The following POLR3H variants were observed in gnomAD, a reference collection of about 807,000 sequenced individuals.
The protein encoded by POLR3H is RNA polymerase III subunit H, also known as DNA-directed RNA polymerase III subunit RPC8.
In POLR3H, 17 loss-of-function variants were observed where a neutral mutation model predicts 25.5. That is an observed-to-expected ratio of 0.67 (90% confidence interval 0.46 to 1.00). The LOEUF (loss-of-function observed/expected upper bound fraction) is 1.00. POLR3H is among the 50% of genes least tolerant of loss of function. The probability of loss-of-function intolerance (pLI) is 0.00; values close to 1 mark genes in which losing one functional copy is unlikely to be tolerated. For synonymous variants in POLR3H, 129 were observed against 103.0 expected (o/e 1.25, Z -1.53); for missense variants, 274 against 265.0 (o/e 1.03, Z -0.24).
rs2066619584 is a variant in POLR3H, at chr22:41,527,250, T to C, written c.*2033A>G. 6.2e-7 allele frequency: 1 copy of C among 1,613,886 alleles called. No homozygotes were observed. Among genetic ancestry groups the C allele is most frequent in the Non-Finnish European group, 8.5e-7 (1 of 1,179,896 alleles). The stretch of plus-strand genomic sequence containing the variant: ...GGCCAGACAGGTGAGGACGGTGCCC[T>C]CCTCTGCCTTATAACCTTACCCCCG... On this transcript the variant is annotated 3_prime_UTR_variant, in exon 6 of 6. Coordinates refer to ENST00000355209, the MANE Select transcript of POLR3H (RefSeq NM_001018050.4).
Position 41,532,082 on chromosome 22 carries a change from C to T in POLR3H, c.359+12G>A, listed in dbSNP as rs200461041. 3,196 of 1,613,550 alleles carry T rather than the reference C, an allele frequency of 2.0e-3. 4 individuals are homozygous for T. The highest frequency in any genetic ancestry group is 3.5e-3 in the South Asian group (317 of 91,062). On this transcript the variant is annotated intron_variant, in intron 4 of 5. Coordinates refer to ENST00000355209, the MANE Select transcript of POLR3H (RefSeq NM_001018050.4). Reference sequence around the variant, plus strand: ...CTCCCTGTGACAAACCACTTTAACCCTTGGAGGATACAACTTGGCTGGCTG... The same window carrying T: ...CTCCCTGTGACAAACCACTTTAACCTTTGGAGGATACAACTTGGCTGGCTG...
chr22:41,531,866 GC>G (rs1376167299), intron 4 of POLR3H, among the ~76,000 whole-genome samples: 1 of 152,210 alleles, frequency 6.6e-6, no homozygotes, highest in Non-Finnish European at 1.5e-5. Context: ...AACCCAGACA[GC>G]CAAGCCTGAT....
chr22:41,527,944 T>A lies in POLR3H; in HGVS notation c.*1339A>T, dbSNP rs779131882. ...AGGGCCTGCTGCCTCTGACCTTCGC[T>A]GACCCGGCTGACTACAACAAGATTC... On this transcript the variant is annotated 3_prime_UTR_variant, in exon 6 of 6. Coordinates refer to ENST00000355209, the MANE Select transcript of POLR3H (RefSeq NM_001018050.4). The A allele has an allele frequency of 5.5e-5, 89 of 1,614,090 alleles. No homozygotes were observed. Among genetic ancestry groups the A allele is most frequent in the Non-Finnish European group, 7.5e-5 (88 of 1,180,034 alleles).
Position 41,528,121 on chromosome 22 carries a change from A to T in POLR3H, c.*1162T>A. The T allele has an allele frequency of 6.5e-7, 1 of 1,543,254 alleles. No homozygotes were observed. The highest frequency in any genetic ancestry group is 1.2e-5 in the South Asian group (1 of 83,898). ...AGGGTAGCTTCTCCCAGGAGGCTTC[A>T]TTCCAGCTGGAAAGGCCCCCAGTTC... is the stretch of plus-strand genomic sequence containing the variant. On this transcript the variant is annotated 3_prime_UTR_variant, in exon 6 of 6. Coordinates refer to ENST00000355209, the MANE Select transcript of POLR3H (RefSeq NM_001018050.4).
At chr22:41,537,867 C>T (rs933275859) in intron 2 of POLR3H, among the ~76,000 whole-genome samples, 3 of 151,758 alleles carry the variant, frequency 2.0e-5, no homozygotes, top group Non-Finnish European at 2.9e-5. Flanking sequence ...AGTGCAGCGG[C>T]GTGTTCTTGG....
Position 41,528,515 on chromosome 22 carries a change from C to T in POLR3H, c.*768G>A. ...CATCATCAAGCACCCCAACGGGACC[C>T]AGGAGACCATCCTCCTGAACCACAC... On this transcript the variant is annotated 3_prime_UTR_variant, in exon 6 of 6. Coordinates refer to ENST00000355209, the MANE Select transcript of POLR3H (RefSeq NM_001018050.4). 1 of 1,612,782 alleles carries T rather than the reference C, an allele frequency of 6.2e-7. No homozygotes were observed.
Position 41,543,753 on chromosome 22 carries a change from T to G in POLR3H, c.111+238A>C. Reference sequence around the variant, plus strand: ...GCCCAGAAGGGGTCAGTAACTTGCCTGCAATTGCAAAGTAATTTAGAATTG... The same window carrying G: ...GCCCAGAAGGGGTCAGTAACTTGCCGGCAATTGCAAAGTAATTTAGAATTG... On this transcript the variant is annotated intron_variant, in intron 1 of 5. Transcript: ENST00000355209. The G allele has an allele frequency of 4.5e-6, 3 of 667,268 alleles. No individual in the cohort carries two copies. In the South Asian group the frequency reaches 4.5e-5, roughly 10 times the overall value. 41.3% of individuals were successfully genotyped at this position (667,268 alleles called of 1,614,324 possible).
At chr22:41,537,486 G>GGGTCA (rs2066867316) in intron 2 of POLR3H, among the ~76,000 whole-genome samples, 1 of 152,142 alleles carries the variant, frequency 6.6e-6, no homozygotes, top group African/African-American at 2.4e-5. Flanking sequence ...ACAGGGCCTG[G>GGGTCA]GGTCAGGCAT....
At position 41,528,304 on chromosome 22, in the gene POLR3H, C is replaced by T; in HGVS notation, c.*979G>A. On this transcript the variant is annotated 3_prime_UTR_variant, in exon 6 of 6. Coordinates refer to ENST00000355209, the MANE Select transcript of POLR3H (RefSeq NM_001018050.4). ...CAGGACCCTCTGGGCCCCAGGAATC[C>T]CCTGTAGGTGCCACCTGGGTCTGAC... 1.0e-6 allele frequency: 1 copy of T among 972,976 alleles called. No individual in the cohort carries two copies. The highest frequency in any genetic ancestry group is 1.5e-6 in the Non-Finnish European group (1 of 674,384). 60.3% of individuals were successfully genotyped at this position (972,976 alleles called of 1,614,324 possible).
intron 1 of POLR3H, among the ~76,000 whole-genome samples, chr22:41,541,476 ATC>A (rs968309359): frequency 1.3e-5 from 2 of 152,170 alleles, no homozygotes; most frequent in Non-Finnish European, 2.9e-5. Flanking sequence ...GTGTCTCCTT[ATC>A]TGCCACCGTG....
chr22:41,531,466 G>A (rs1215314001), intron 4 of POLR3H, among the ~76,000 whole-genome samples: 1 of 152,242 alleles, frequency 6.6e-6, no homozygotes, highest in East Asian at 1.9e-4. Flanking sequence ...CCCTGGCAGA[G>A]CCCACACAGG....
rs530735079 is a variant in POLR3H at position 41,529,182 on chromosome 22, G to C, written c.*101C>G. On this transcript the variant is annotated 3_prime_UTR_variant, in exon 6 of 6. Transcript: ENST00000355209. ...CTGGCCTTGCCTCACTGTCCAGCTC[G>C]AGACACTATCTCCTTAGCATCGGCC... 7.1e-5 allele frequency: 76 copies of C among 1,075,780 alleles called. 1 individual carries two copies. In the South Asian group the frequency reaches 9.0e-4, roughly 13 times the overall value. 66.6% of individuals were successfully genotyped at this position (1,075,780 alleles called of 1,614,324 possible). A position where few individuals can be genotyped will look rare whatever the true frequency, so the allele number is the denominator to read the frequency against.
intron 1 of POLR3H, among the ~76,000 whole-genome samples, chr22:41,541,033 A>G (rs2066921085): frequency 6.6e-6 from 1 of 152,042 alleles, no homozygotes; most frequent in South Asian, 2.1e-4. Flanking sequence ...CAGCTCCACC[A>G]CCCACTGTGT....
chr22:41,526,091 C>T lies in POLR3H; in HGVS notation c.*3192G>A. ...AAGGCCTGGCCTGAGCCCATGTGGCCTTAGGGTGGAAGCACCAGGACCACA... is the reference window on the plus strand; with the variant it reads ...AAGGCCTGGCCTGAGCCCATGTGGCTTTAGGGTGGAAGCACCAGGACCACA... On this transcript the variant is annotated 3_prime_UTR_variant, in exon 6 of 6. Coordinates refer to ENST00000355209, the MANE Select transcript of POLR3H (RefSeq NM_001018050.4). The T allele has an allele frequency of 1.7e-6, 1 of 603,096 alleles. No individual in the cohort carries two copies. The highest frequency in any genetic ancestry group is 2.9e-6 in the Non-Finnish European group (1 of 345,036). 37.4% of individuals were successfully genotyped at this position (603,096 alleles called of 1,614,324 possible). A position where few individuals can be genotyped will look rare whatever the true frequency, so the allele number is the denominator to read the frequency against.
In POLR3H at chr22:41,527,264, ACCTTAC is replaced by A. The variant is rs1308095416; in HGVS notation, c.*2013_*2018del. The A allele has an allele frequency of 1.2e-6, 2 of 1,613,766 alleles. No individual in the cohort carries two copies. The highest frequency in any genetic ancestry group is 2.7e-5 in the African/African-American group (2 of 74,850). On this transcript the variant is annotated 3_prime_UTR_variant, in exon 6 of 6. Transcript: ENST00000355209. ...GGACGGTGCCCTCCTCTGCCTTATA[ACCTTAC>A]CCCCGCTTGCCTGACAGAAACATGG... is the stretch of plus-strand genomic sequence containing the variant.
In POLR3H at chr22:41,528,185, G is replaced by A. The variant is rs2066643955; in HGVS notation, c.*1098C>T. ...ACAGAGAAAGCAAAGTGGCTTCTCAGAGTTGGGGGTTGGAGTCAACCCGGG... is the reference window on the plus strand; with the variant it reads ...ACAGAGAAAGCAAAGTGGCTTCTCAAAGTTGGGGGTTGGAGTCAACCCGGG... On this transcript the variant is annotated 3_prime_UTR_variant, in exon 6 of 6. Coordinates refer to ENST00000355209, the MANE Select transcript of POLR3H (RefSeq NM_001018050.4). 14 of 1,162,440 alleles carry A rather than the reference G, an allele frequency of 1.2e-5. No individual in the cohort carries two copies. In the South Asian group the frequency reaches 2.1e-4, roughly 18 times the overall value. 72.0% of individuals were successfully genotyped at this position (1,162,440 alleles called of 1,614,324 possible). A position where few individuals can be genotyped will look rare whatever the true frequency, so the allele number is the denominator to read the frequency against.
chr22:41,532,782 G>A (rs1476853757), intron 2 of POLR3H, 37 bp from the exon 3 acceptor site: 2 of 1,603,826 alleles, frequency 1.2e-6, no homozygotes, highest in East Asian at 4.5e-5. Flanking sequence ...ATGCTGACCG[G>A]GGCCCCAGTG....
At chr22:41,538,101 G>A (rs924743110) in intron 2 of POLR3H, among the ~76,000 whole-genome samples, 1 of 151,536 alleles carries the variant, frequency 6.6e-6, no homozygotes, top group Non-Finnish European at 1.5e-5. Context: ...GAGTAGCTGG[G>A]ATTACAGACA....
rs2066656055 is a variant in POLR3H, at chr22:41,528,619, G to A, written c.*664C>T. The A allele has an allele frequency of 1.3e-6, 2 of 1,558,268 alleles. No homozygotes were observed. The highest frequency in any genetic ancestry group is 1.7e-6 in the Non-Finnish European group (2 of 1,156,440). ...TGAAGGAACTGCAACAGTGAGGGCAGTGCCTCCCCGCCCCGCCGCTGGCGT... is the reference window on the plus strand; with the variant it reads ...TGAAGGAACTGCAACAGTGAGGGCAATGCCTCCCCGCCCCGCCGCTGGCGT... On this transcript the variant is annotated 3_prime_UTR_variant, in exon 6 of 6. Coordinates refer to ENST00000355209, the MANE Select transcript of POLR3H (RefSeq NM_001018050.4).
Sources: allele counts gnomAD v4.1 joint callset (sites outside exome capture counted in the v4.1 genomes callset), GRCh38; gene constraint gnomAD v4.1.1; transcripts MANE v1.5; gene names NCBI Gene and HGNC (gene_info 2026-07-23, HGNC 2026-07-21).